Variants in RBFOX3 observed in about 807,000 individuals in gnomAD.
The protein encoded by RBFOX3 is RNA binding fox-1 homolog 3, also known as RNA binding protein fox-1 homolog 3.
RBFOX3 carries 17 observed loss-of-function variants against 48.7 expected under a neutral mutation model. The ratio of observed to expected loss-of-function variants is 0.35; its 90% CI spans 0.24 to 0.52. The LOEUF is 0.52. RBFOX3 is among the 20% of genes least tolerant of loss of function. RBFOX3 has a pLI of 0.94. For synonymous variants in RBFOX3, 212 were observed against 209.5 expected, an observed-to-expected ratio of 1.01 and a Z score of -0.10; for missense variants, 382 against 497.5, an observed-to-expected ratio of 0.77 and a Z score of 2.21.
chr17:79,579,056 G>A (rs927433079), intron 1 of RBFOX3, among the ~76,000 whole-genome samples: 7 of 152,270 alleles, frequency 4.6e-5, no homozygotes, highest in East Asian at 1.9e-4. Flanking sequence ...CGTCTCCGTC[G>A]CGTTCCCTCT....
At chr17:79,547,838 C>CCACGCACA (rs60964532) in intron 1 of RBFOX3, among the ~76,000 whole-genome samples, 4 of 151,910 alleles carry the variant, frequency 2.6e-5, no homozygotes, top group African/African-American at 9.7e-5. Context: ...GTACTCGCAC[C>CCACGCACA]CACACCGATT....
At chr17:79,584,828 C>T (rs1025905609) in intron 1 of RBFOX3, among the ~76,000 whole-genome samples, 1 of 151,784 alleles carries the variant, frequency 6.6e-6, no homozygotes, top group South Asian at 2.1e-4. Flanking sequence ...TGCAGTGGCA[C>T]GATCTCAGCT....
intron 1 of RBFOX3, among the ~76,000 whole-genome samples, chr17:79,511,264 G>C (rs1385135312): frequency 2.6e-5 from 4 of 152,180 alleles, no homozygotes; most frequent in African/African-American, 9.7e-5. Flanking sequence ...CCGCTTAGAC[G>C]AAACTCTGTG....
At chr17:79,463,035 C>A (rs797029483) in intron 2 of RBFOX3, among the ~76,000 whole-genome samples, 1 of 144,526 alleles carries the variant, frequency 6.9e-6, no homozygotes, top group Non-Finnish European at 1.5e-5. Flanking sequence ...ACCTCCACCA[C>A]CATCGCCACT....
rs2077488001 is a variant in RBFOX3, at chr17:79,106,925, T to C, written c.223-137A>G. ...CCTCTCCCCCATCCCTGGGCTGGGA[T>C]CCTTGGCAGAATCTGGGCAGACGGT... On this transcript the variant is annotated intron_variant, in intron 5 of 14. Transcript: ENST00000693108. 4.2e-6 allele frequency: 5 copies of C among 1,187,482 alleles called. No homozygotes were observed. In the East Asian group the frequency reaches 1.6e-4, roughly 37 times the overall value. 73.6% of individuals were successfully genotyped at this position (1,187,482 alleles called of 1,614,324 possible). A position where few individuals can be genotyped will look rare whatever the true frequency, so the allele number is the denominator to read the frequency against.
intron 4 of RBFOX3, among the ~76,000 whole-genome samples, chr17:79,189,715 C>T (rs150742863): frequency 2.9e-3 from 440 of 152,324 alleles, no homozygotes; most frequent in South Asian, 7.3e-3. Context: ...GCCCTCACCC[C>T]GTGCTCAGCT....
At chr17:79,489,065 T>C (rs75296622) in intron 1 of RBFOX3, among the ~76,000 whole-genome samples, 22,738 of 152,136 alleles carry the variant, frequency 0.15, 1,784 homozygotes, top group East Asian at 0.2. Context: ...TCACCAGAAA[T>C]ATGCTTGCAT....
intron 1 of RBFOX3, among the ~76,000 whole-genome samples, chr17:79,586,853 G>C (rs2093266040): frequency 6.6e-6 from 1 of 152,182 alleles, no homozygotes; most frequent in Admixed American, 6.5e-5. Flanking sequence ...GATTGCATGA[G>C]AGATGGTGAT....
chr17:79,332,701 G>GA (rs760018355), intron 2 of RBFOX3, among the ~76,000 whole-genome samples: 4 of 147,728 alleles, frequency 2.7e-5, no homozygotes, highest in African/African-American at 7.4e-5. Flanking sequence ...GAGACAGAGA[G>GA]AGAGAGACAG....
intron 4 of RBFOX3, among the ~76,000 whole-genome samples, chr17:79,210,512 C>A (rs139534124): frequency 6.6e-6 from 1 of 152,254 alleles, no homozygotes; most frequent in Admixed American, 6.5e-5. Flanking sequence ...TATCCCTTTA[C>A]GGCGGACAGG....
In RBFOX3 at chr17:79,310,770, G is replaced by A. The variant is rs571021763; in HGVS notation, c.-174-2946C>T. On this transcript the variant is annotated intron_variant, in intron 2 of 14. Coordinates refer to ENST00000693108, the MANE Select transcript of RBFOX3 (RefSeq NM_001350451.2). Reference sequence around the variant, plus strand: ...CCTCGGCATTAAACATCTAATGCAAGTTAGGAGCCCATTTTCCATAACACA... The same window carrying A: ...CCTCGGCATTAAACATCTAATGCAAATTAGGAGCCCATTTTCCATAACACA... Among the ~76,000 whole-genome samples the A allele has an allele frequency of 2.6e-5, 4 of 152,338 alleles. No homozygotes were observed. In the South Asian group the frequency reaches 8.3e-4, roughly 32 times the overall value.
chr17:79,164,760 G>A (rs2047665725), intron 4 of RBFOX3, among the ~76,000 whole-genome samples: 1 of 152,210 alleles, frequency 6.6e-6, no homozygotes, highest in Non-Finnish European at 1.5e-5. Context: ...TGGCTGCCCT[G>A]ATGCCCCAGA....
chr17:79,106,888 C>CT lies in RBFOX3; in HGVS notation c.223-101_223-100insA, dbSNP rs1555689885. On this transcript the variant is annotated intron_variant, in intron 5 of 14. Coordinates refer to ENST00000693108, the MANE Select transcript of RBFOX3 (RefSeq NM_001350451.2). ...CAGAGTCTAAAGGCCAGATTCTCCC[C>CT]ACCCTTCTGGGCCTCTCCCCCATCC... The CT allele has an allele frequency of 9.7e-5, 136 of 1,404,744 alleles. 1 individual carries two copies. Among genetic ancestry groups the CT allele is most frequent in the East Asian group, 4.1e-4 (14 of 33,846 alleles). 87.0% of individuals were successfully genotyped at this position (1,404,744 alleles called of 1,614,324 possible). A position where few individuals can be genotyped will look rare whatever the true frequency, so the allele number is the denominator to read the frequency against.
chr17:79,299,648 G>A lies in RBFOX3; in HGVS notation c.-74+8076C>T, dbSNP rs920207979. Among the ~76,000 whole-genome samples the A allele has an allele frequency of 5.3e-5, 8 of 152,140 alleles. No individual in the cohort carries two copies. The highest frequency in any genetic ancestry group is 1.2e-4 in the Non-Finnish European group (8 of 68,042). ...GAACTAACCCCCTGAGGATACCAAC[G>A]GACAACTGTGTTTAGAGATATGGAC... On this transcript the variant is annotated intron_variant, in intron 3 of 14. Coordinates refer to ENST00000693108, the MANE Select transcript of RBFOX3 (RefSeq NM_001350451.2). This position sits in a 1 kb window ranked among gnomAD's most constrained non-coding sequence, Gnocchi z 4.5.
intron 4 of RBFOX3, among the ~76,000 whole-genome samples, chr17:79,186,369 CT>C (rs2053393162): frequency 6.6e-6 from 1 of 152,274 alleles, no homozygotes; most frequent in African/African-American, 2.4e-5. Flanking sequence ...CAGCACGCAC[CT>C]CAGTGCTCCG....
rs1028043227 is a variant in RBFOX3, at chr17:79,531,871, C to A, written c.-319-49273G>T. Reference sequence around the variant, plus strand: ...TGACTCACCTTCATCTGGGATGCGTCCCTCACAGCTGACCGCCAGGCCGCT... The same window carrying A: ...TGACTCACCTTCATCTGGGATGCGTACCTCACAGCTGACCGCCAGGCCGCT... On this transcript the variant is annotated intron_variant, in intron 1 of 14. Transcript: ENST00000693108. Among the ~76,000 whole-genome samples the A allele has an allele frequency of 1.4e-3, 219 of 152,344 alleles. 1 individual carries two copies. The highest frequency in any genetic ancestry group is 4.6e-3 in the African/African-American group (191 of 41,578).
chr17:79,464,326 G>A (rs2076032040), intron 2 of RBFOX3, among the ~76,000 whole-genome samples: 1 of 152,270 alleles, frequency 6.6e-6, no homozygotes, highest in South Asian at 2.1e-4. Context: ...CGACAGCCCG[G>A]AGAAGAGGGG....
At chr17:79,307,336 C>T (rs1427589161) in intron 3 of RBFOX3, among the ~76,000 whole-genome samples, 1 of 152,084 alleles carries the variant, frequency 6.6e-6, no homozygotes, top group Admixed American at 6.5e-5. Context: ...GCAGGGGAGG[C>T]GAAATGACAT....
intron 3 of RBFOX3, among the ~76,000 whole-genome samples, chr17:79,244,861 C>T (rs889904499): frequency 2.0e-5 from 3 of 148,206 alleles, no homozygotes. Context: ...TCCTTCCTTT[C>T]CTTTCCCTTC....
Sources: gnomAD v4.1 joint callset for allele counts (sites outside exome capture counted in the v4.1 genomes callset) on GRCh38, gnomAD v4.1.1 for gene constraint, Gnocchi (gnomAD v3.1) non-coding constraint, MANE v1.5 for transcripts, NCBI Gene and HGNC (gene_info 2026-07-23, HGNC 2026-07-21) for gene names.